The following ZBTB17 variants were observed in gnomAD, a reference collection of about 807,000 sequenced individuals.
The protein encoded by ZBTB17 is zinc finger and BTB domain-containing protein 17.
ZBTB17 carries 24 observed loss-of-function variants against 85.1 expected under a neutral mutation model. The observed-to-expected ratio is 0.28, with a 90% CI of 0.20 to 0.40. ZBTB17 has a LOEUF of 0.40. ZBTB17 is among the 10% of genes least tolerant of loss of function. ZBTB17 has a pLI of 1.00. For synonymous variants in ZBTB17, 464 were observed against 460.2 expected (o/e 1.01, Z -0.11); for missense variants, 743 against 1,105.1 (o/e 0.67, Z 4.65).
intron 2 of ZBTB17, among the ~76,000 whole-genome samples, chr1:15,958,710 T>C (rs987513051): frequency 3.9e-5 from 6 of 152,160 alleles, no homozygotes; most frequent in Non-Finnish European, 8.8e-5. Context: ...GAATGGGGGC[T>C]GCCGAAGCGC....
intron 15 of ZBTB17, 30 bp from the exon 16 acceptor site, chr1:15,942,282 G>A (rs774724848): frequency 6.2e-7 from 1 of 1,613,594 alleles, no homozygotes; most frequent in Non-Finnish European, 8.5e-7. Flanking sequence ...GTCAGAGTGG[G>A]AAGGACCCCG....
chr1:15,961,911 C>A (rs190096429), intron 2 of ZBTB17, among the ~76,000 whole-genome samples: 2 of 152,324 alleles, frequency 1.3e-5, no homozygotes, highest in Non-Finnish European at 2.9e-5. Context: ...AATATATATG[C>A]TTTATCAGTA....
At chr1:15,946,005 CT>C in intron 5 of ZBTB17, 148 bp downstream of exon 5, 1 of 1,548,044 alleles carries the variant, frequency 6.5e-7, no homozygotes, top group Non-Finnish European at 8.8e-7. Flanking sequence ...AACAGACCCC[CT>C]GGAACACACA....
Position 15,943,382 on chromosome 1 carries a change from G to A in ZBTB17, c.1697+17C>T. On this transcript the variant is annotated intron_variant, in intron 12 of 15. Transcript: ENST00000375743. ...TGTGGGGTGTCTGGCCAGTGGGTGT[G>A]GGGGAGGGGGCAGGACCTCTTGCCG... 1 of 1,585,258 alleles carries A rather than the reference G, an allele frequency of 6.3e-7. No individual in the cohort carries two copies. Among genetic ancestry groups the A allele is most frequent in the Non-Finnish European group, 8.6e-7 (1 of 1,164,510 alleles).
At position 15,942,377 on chromosome 1, in the gene ZBTB17, G is replaced by A. The variant is rs779329541; in HGVS notation, c.2082C>T (p.Val694=). 6.2e-7 allele frequency: 1 copy of A among 1,613,864 alleles called. No homozygotes were observed. The highest frequency in any genetic ancestry group is 8.5e-7 in the Non-Finnish European group (1 of 1,180,034). ...CAGCTTTGCTGATCTCGGCCTTCAG[G>A]ACTTCCGTCTCATCGGCTGTCACTG... ...GAAVTADETE[V]LKAEISKAVK... is the part of the protein sequence containing the mutation. Residue 694 remains valine (V), a synonymous_variant, in exon 15 of 16, where the codon GTC becomes GTT. Coordinates refer to ENST00000375743, the MANE Select transcript of ZBTB17 (RefSeq NM_003443.3).
chr1:15,945,209 A>G lies in ZBTB17; in HGVS notation c.662-7T>C. On this transcript the variant is annotated splice_region_variant and splice_polypyrimidine_tract_variant and intron_variant, in intron 6 of 15. Coordinates refer to ENST00000375743, the MANE Select transcript of ZBTB17 (RefSeq NM_003443.3). ...GCGGGCTCCACCTCCATTTCTGCGGAGAAAAGGGCAAGCATGGAGGCGGCA... is the reference window on the plus strand; with the variant it reads ...GCGGGCTCCACCTCCATTTCTGCGGGGAAAAGGGCAAGCATGGAGGCGGCA... 6.4e-7 allele frequency: 1 copy of G among 1,550,750 alleles called. No homozygotes were observed. The highest frequency in any genetic ancestry group is 8.7e-7 in the Non-Finnish European group (1 of 1,147,072).
intron 1 of ZBTB17, among the ~76,000 whole-genome samples, chr1:15,975,612 C>T (rs2072843524): frequency 6.6e-6 from 1 of 152,142 alleles, no homozygotes; most frequent in Admixed American, 6.5e-5. Context: ...TGCCCCGGCA[C>T]TGCGCTCCCT....
chr1:15,943,295 C>T lies in ZBTB17; in HGVS notation c.1698-101G>A, dbSNP rs2071437482. The T allele has an allele frequency of 5.6e-6, 9 of 1,596,172 alleles. No homozygotes were observed. In the South Asian group the frequency reaches 7.8e-5, roughly 14 times the overall value. On this transcript the variant is annotated intron_variant, in intron 12 of 15. Coordinates refer to ENST00000375743, the MANE Select transcript of ZBTB17 (RefSeq NM_003443.3). ...GGACCCCTAGGACCAGAGCCTGGGG[C>T]GTGGGCAGCAGTCAGCTCAGTCCCC...
chr1:15,942,449 G>A, intron 14 of ZBTB17, 29 bp from the exon 15 acceptor site: 3 of 1,612,182 alleles, frequency 1.9e-6, no homozygotes, highest in Non-Finnish European at 2.5e-6. Context: ...GGCCTAAGGT[G>A]AAGGCACGGG....
In ZBTB17 at chr1:15,952,823, T is replaced by A. The variant is rs2071911840; in HGVS notation, c.-2-4326A>T. ...TTTCCTGGACCTCCCAGCCCAGCTG[T>A]GCGCTGCTGCACGCACGGCCTCAAC... On this transcript the variant is annotated intron_variant, in intron 2 of 15. Coordinates refer to ENST00000375743, the MANE Select transcript of ZBTB17 (RefSeq NM_003443.3). The surrounding 1 kb of genome is among the most constrained non-coding windows in gnomAD (Gnocchi z 4.3). 1 of 152,396 alleles carries A rather than the reference T, an allele frequency of 6.6e-6. No homozygotes were observed. The highest frequency in any genetic ancestry group is 2.4e-5 in the African/African-American group (1 of 41,474). 9.4% of individuals were successfully genotyped at this position (152,396 alleles called of 1,614,324 possible). A position where few individuals can be genotyped will look rare whatever the true frequency, so the allele number is the denominator to read the frequency against.
chr1:15,975,139 C>T (rs1287499208), intron 1 of ZBTB17, among the ~76,000 whole-genome samples: 1 of 152,214 alleles, frequency 6.6e-6, no homozygotes, highest in Non-Finnish European at 1.5e-5. Flanking sequence ...GTATGTCTCC[C>T]ACATGGGTCT....
chr1:15,971,572 TATATATATAC>T (rs2072686527), intron 2 of ZBTB17, among the ~76,000 whole-genome samples: 1 of 138,496 alleles, frequency 7.2e-6, no homozygotes, highest in East Asian at 2.0e-4. Flanking sequence ...ACACACACTA[TATATATATAC>T]ACACACACTA....
At chr1:15,942,922 T>C in intron 13 of ZBTB17, 142 bp downstream of exon 13, 3 of 1,403,896 alleles carry the variant, frequency 2.1e-6, no homozygotes, top group Non-Finnish European at 2.9e-6. Context: ...GGGGTCCTCA[T>C]TTGAACAGAA....
chr1:15,969,817 G>T, intron 2 of ZBTB17: 1 of 544,264 alleles, frequency 1.8e-6, no homozygotes, highest in South Asian at 1.5e-5. Context: ...GCTTCCCCTG[G>T]AGTGGGTCAC....
rs771196888 is a variant in ZBTB17, at chr1:15,942,479, C to A, written c.2038+50G>T. ...CACGGGCACTGCCCCATCATCGCCA[C>A]CCTGGCAGCAAGCTGCCTGTGACTT... On this transcript the variant is annotated intron_variant, in intron 14 of 15. Transcript: ENST00000375743. The A allele has an allele frequency of 4.3e-6, 7 of 1,610,532 alleles. No homozygotes were observed. In the African/African-American group the frequency reaches 8.0e-5, roughly 18 times the overall value.
In ZBTB17 at chr1:15,944,930, C is replaced by T. The variant is rs2071530300; in HGVS notation, c.927+7G>A. On this transcript the variant is annotated splice_region_variant and intron_variant, in intron 7 of 15. Coordinates refer to ENST00000375743, the MANE Select transcript of ZBTB17 (RefSeq NM_003443.3). The stretch of plus-strand genomic sequence containing the variant: ...TGGCTGGGAGGGCTGGCCATAGTCT[C>T]CCTCACCTCGCACTTGTGGATGACG... The T allele has an allele frequency of 6.4e-7, 1 of 1,570,788 alleles. No individual in the cohort carries two copies.
intron 2 of ZBTB17, among the ~76,000 whole-genome samples, chr1:15,960,343 T>G (rs2072213474): frequency 6.6e-6 from 1 of 152,226 alleles, no homozygotes; most frequent in African/African-American, 2.4e-5. Context: ...TATCATTACA[T>G]ATAAACCCAA....
At chr1:15,958,415 CAAAAAA>C (rs34593133) in intron 2 of ZBTB17, among the ~76,000 whole-genome samples, 1 of 84,622 alleles carries the variant, frequency 1.2e-5, no homozygotes, top group African/African-American at 5.4e-5. Context: ...CCAATACGAC[CAAAAAA>C]AAAAAAAAAA....
chr1:15,942,137 C>A lies in ZBTB17; in HGVS notation c.2244G>T (p.Gln748His), dbSNP rs1214185011. 1.2e-6 allele frequency: 2 copies of A among 1,613,594 alleles called. No homozygotes were observed. Among genetic ancestry groups the A allele is most frequent in the Non-Finnish European group, 1.7e-6 (2 of 1,180,038 alleles). ...ACTGCTGATAGAAGTCCGCGTCTGTCTGGAACATGACCAGTGCCTGGGCTG... is the reference window on the plus strand; with the variant it reads ...ACTGCTGATAGAAGTCCGCGTCTGTATGGAACATGACCAGTGCCTGGGCTG... ...IHTAQALVMFQTDADFYQQYG... is the reference protein window; with the variant it reads ...IHTAQALVMFHTDADFYQQYG... The change falls in exon 16 of 16, where the codon CAG becomes CAT. Residue 748 changes from glutamine to histidine, a missense_variant. By Grantham distance (24) the Gln-to-His change is conservative. Around this residue, in one of 4 missense-constraint regions of ZBTB17, gnomAD observed 321 missense variants for 615.7 expected, o/e 0.52. Transcript: ENST00000375743.
Sources: gnomAD v4.1 joint callset for allele counts (sites outside exome capture counted in the v4.1 genomes callset) on GRCh38, gnomAD v4.1.1 for gene constraint, gnomAD v4.1.1 regional missense constraint, Gnocchi (gnomAD v3.1) non-coding constraint, MANE v1.5 for transcripts, NCBI Gene and HGNC (gene_info 2026-07-23, HGNC 2026-07-21) for gene names.